C16orf89: variants seen among roughly 807,000 people sequenced by gnomAD.
C16orf89 encodes the protein chromosome 16 open reading frame 89.
A neutral mutation model predicts 41.5 loss-of-function variants in C16orf89; 57 were observed. The observed-to-expected ratio is 1.38, with a 90% confidence interval of 1.11 to 1.71. The LOEUF (loss-of-function observed/expected upper bound fraction) is 1.71, where lower values mean the gene tolerates loss of function less well. C16orf89 is among the 40% of genes most tolerant of loss of function. C16orf89 has a pLI of 0.00. For synonymous variants in C16orf89, 223 were observed against 190.6 expected (o/e 1.17, Z -1.40); for missense variants, 575 against 445.9 (o/e 1.29, Z -2.61).
chr16:5,045,058 G>C (rs1331480529), intron 7 of C16orf89, among the ~76,000 whole-genome samples: 2 of 152,196 alleles, frequency 1.3e-5, no homozygotes, highest in Non-Finnish European at 2.9e-5. Flanking sequence ...GATGACTCTG[G>C]TGCAATTTAT....
rs750131327 is a variant in C16orf89 at position 5,060,417 on chromosome 16, C to T, written c.378G>A (p.Gln126=). Reference sequence around the variant, plus strand: ...CATGTGGGAGCTTCCAAAACCCGGGCTGGAGGGTCAGCTGGAACTCTGGCA... The same window carrying T: ...CATGTGGGAGCTTCCAAAACCCGGGTTGGAGGGTCAGCTGGAACTCTGGCA... ...KYLREFQLTL[Q]PGFWKLPHAW... Residue 126 remains glutamine (Q), a synonymous_variant, in exon 3 of 8, where the codon CAG becomes CAA. Coordinates refer to ENST00000472572, the MANE Select transcript of C16orf89 (RefSeq NM_001098514.3). 5 of 1,612,870 alleles carry T rather than the reference C, an allele frequency of 3.1e-6. No homozygotes were observed. The highest frequency in any genetic ancestry group is 4.2e-6 in the Non-Finnish European group (5 of 1,179,584).
In C16orf89 at chr16:5,060,367, A is replaced by G; in HGVS notation, c.428T>C (p.Leu143Ser). ...PHAWIHTDAS[L>S]VYPTFGPQDS... is the part of the protein sequence containing the mutation. Reference sequence around the variant, plus strand: ...CTGGGGCCCGAACGTGGGGTACACCAAGGAGGCATCAGTGTGGATCCAGGC... The same window carrying G: ...CTGGGGCCCGAACGTGGGGTACACCGAGGAGGCATCAGTGTGGATCCAGGC... Residue 143 changes from leucine (L) to serine (S), a missense_variant, in exon 3 of 8, where the codon TTG becomes TCG. Transcript: ENST00000472572. 1 of 1,613,610 alleles carries G rather than the reference A, an allele frequency of 6.2e-7. No individual in the cohort carries two copies. The highest frequency in any genetic ancestry group is 8.5e-7 in the Non-Finnish European group (1 of 1,179,824).
chr16:5,046,484 G>A (rs1460170126), intron 7 of C16orf89, among the ~76,000 whole-genome samples: 2 of 122,064 alleles, frequency 1.6e-5, no homozygotes, highest in Non-Finnish European at 3.9e-5. Context: ...TCCAGGTAGC[G>A]GGATTACAGG....
chr16:5,055,206 C>G, intron 6 of C16orf89, 40 bp downstream of exon 6: 2 of 1,511,302 alleles, frequency 1.3e-6, no homozygotes, highest in South Asian at 2.4e-5. Flanking sequence ...CCCCCACCCC[C>G]ACTGCCCCCC....
chr16:5,062,762 A>G (rs1956655298), intron 1 of C16orf89, among the ~76,000 whole-genome samples, 188 bp from the exon 2 acceptor site: 1 of 152,130 alleles, frequency 6.6e-6, no homozygotes, highest in Admixed American at 6.6e-5. Context: ...GATCTGGGCA[A>G]TGAGAATGGG....
chr16:5,044,267 A>G lies in C16orf89; in HGVS notation c.*81T>C. Reference sequence around the variant, plus strand: ...CCAGATGCCTTCTTCCCAGGATGTGATCCGTGCCCTCCAGGATCTAAGGGA... The same window carrying G: ...CCAGATGCCTTCTTCCCAGGATGTGGTCCGTGCCCTCCAGGATCTAAGGGA... On this transcript the variant is annotated 3_prime_UTR_variant, in exon 8 of 8. Coordinates refer to ENST00000472572, the MANE Select transcript of C16orf89 (RefSeq NM_001098514.3). 2.7e-6 allele frequency: 4 copies of G among 1,482,756 alleles called. No individual in the cohort carries two copies. Among genetic ancestry groups the G allele is most frequent in the Non-Finnish European group, 3.6e-6 (4 of 1,119,874 alleles). The allele number at this position is 1,482,756 out of a possible 1,614,324, so 91.8% of individuals were successfully genotyped here. A position where few individuals can be genotyped will look rare whatever the true frequency, so the allele number is the denominator to read the frequency against.
chr16:5,053,977 C>G (rs1206964006), intron 6 of C16orf89, among the ~76,000 whole-genome samples: 1 of 152,154 alleles, frequency 6.6e-6, no homozygotes, highest in Non-Finnish European at 1.5e-5. Context: ...TAAATATGTA[C>G]AATTATTACA....
intron 6 of C16orf89, among the ~76,000 whole-genome samples, chr16:5,053,611 G>C (rs921811878): frequency 1.3e-5 from 2 of 151,704 alleles, no homozygotes; most frequent in Non-Finnish European, 2.9e-5. Flanking sequence ...TGCAGTCATG[G>C]CTCACTGCAG....
intron 4 of C16orf89, among the ~76,000 whole-genome samples, chr16:5,057,459 A>C (rs1956534564): frequency 6.7e-6 from 1 of 148,372 alleles, no homozygotes. Context: ...AAGAAAAGAA[A>C]TATATATACT....
At chr16:5,051,728 G>A (rs1196511756) in intron 6 of C16orf89, among the ~76,000 whole-genome samples, 2 of 152,124 alleles carry the variant, frequency 1.3e-5, no homozygotes, top group African/African-American at 4.8e-5. Context: ...ACCCCAAATA[G>A]TGAAGCAATC....
At chr16:5,059,000 G>A (rs897956633) in intron 3 of C16orf89, among the ~76,000 whole-genome samples, 14 of 152,102 alleles carry the variant, frequency 9.2e-5, no homozygotes, top group African/African-American at 3.4e-4. Context: ...AGCACTTTGG[G>A]AGGCTGAGGC....
intron 1 of C16orf89, 58 bp downstream of exon 1, chr16:5,065,643 G>C: frequency 6.5e-7 from 1 of 1,529,546 alleles, no homozygotes. Flanking sequence ...GCAGGGCAGG[G>C]GACAAAGCTG....
Position 5,047,772 on chromosome 16 carries a change from G to C in C16orf89, c.955+106C>G, listed in dbSNP as rs1045914504. 3 of 726,718 alleles carry C rather than the reference G, an allele frequency of 4.1e-6. No individual in the cohort carries two copies. The Admixed American group carries it at 6.5e-5, about 16-fold the overall frequency. 45.0% of individuals were successfully genotyped at this position (726,718 alleles called of 1,614,324 possible). Reference sequence around the variant, plus strand: ...AGGCCCTCTGATTAGTGCCCCTTTGGTGATGCCAAGTGCTTTTCTTCCATA... The same window carrying C: ...AGGCCCTCTGATTAGTGCCCCTTTGCTGATGCCAAGTGCTTTTCTTCCATA... On this transcript the variant is annotated intron_variant, in intron 7 of 7. Coordinates refer to ENST00000472572, the MANE Select transcript of C16orf89 (RefSeq NM_001098514.3).
At chr16:5,047,439 A>G (rs1180984609) in intron 7 of C16orf89, among the ~76,000 whole-genome samples, 3 of 150,914 alleles carry the variant, frequency 2.0e-5, no homozygotes, top group Non-Finnish European at 2.9e-5. Flanking sequence ...AACAAAAGAC[A>G]GTATCTCTTG....
At chr16:5,053,962 C>T (rs1956442891) in intron 6 of C16orf89, among the ~76,000 whole-genome samples, 1 of 152,120 alleles carries the variant, frequency 6.6e-6, no homozygotes, top group Non-Finnish European at 1.5e-5. Context: ...TCACACTGTA[C>T]CCTATAAATA....
intron 4 of C16orf89, among the ~76,000 whole-genome samples, chr16:5,056,830 A>C (rs1956518120): frequency 6.6e-6 from 1 of 152,230 alleles, no homozygotes; most frequent in Non-Finnish European, 1.5e-5. Flanking sequence ...CAGAGAAATA[A>C]TAATTTTTAA....
intron 3 of C16orf89, among the ~76,000 whole-genome samples, chr16:5,058,829 G>C (rs1055848741): frequency 6.6e-6 from 1 of 152,108 alleles, no homozygotes; most frequent in African/African-American, 2.4e-5. Flanking sequence ...CTGGGGTTGA[G>C]GAAGCCACCA....
chr16:5,055,276 T>C lies in C16orf89; in HGVS notation c.838A>G (p.Lys280Glu), dbSNP rs759349074. The C allele has an allele frequency of 1.2e-6, 2 of 1,613,364 alleles. No individual in the cohort carries two copies. Among genetic ancestry groups the C allele is most frequent in the Non-Finnish European group, 1.7e-6 (2 of 1,179,614 alleles). Residue 280 changes from lysine to glutamate, a missense_variant, in exon 6 of 8, where the codon AAA becomes GAA. Lys to Glu is a moderately conservative substitution (Grantham distance 56). Transcript: ENST00000472572. The part of the protein sequence containing the change: ...RWLEAILSWQ[K>E]QQEGCFGEPD... Reference sequence around the variant, plus strand: ...TCCCCGAAGCATCCTTCCTGCTGTTTCTGCCAGCTGAGAATGGCCTCCAGC... The same window carrying C: ...TCCCCGAAGCATCCTTCCTGCTGTTCCTGCCAGCTGAGAATGGCCTCCAGC...
intron 7 of C16orf89, among the ~76,000 whole-genome samples, chr16:5,046,355 A>ATTTTC (rs1334208218): frequency 6.6e-6 from 1 of 150,976 alleles, no homozygotes; most frequent in Non-Finnish European, 1.5e-5. Flanking sequence ...ATTTTATTTT[A>ATTTTC]TTATAATTAT....
Sources: gnomAD v4.1 joint callset for allele counts (sites outside exome capture counted in the v4.1 genomes callset) on GRCh38, gnomAD v4.1.1 for gene constraint, MANE v1.5 for transcripts, NCBI Gene and HGNC (gene_info 2026-07-23, HGNC 2026-07-21) for gene names.